The following ABCA10 variants were observed in gnomAD, a reference collection of about 807,000 sequenced individuals.
ABCA10 encodes ATP binding cassette subfamily A member 10.
Under a neutral mutation model 187.5 loss-of-function variants are expected in ABCA10, and 169 were observed. The ratio of observed to expected loss-of-function variants is 0.90; its 90% CI spans 0.80 to 1.02. ABCA10 has a LOEUF of 1.02. Ranked by LOEUF, ABCA10 falls within the 50% of genes least tolerant of loss-of-function variation. The pLI, the probability that ABCA10 is intolerant of heterozygous loss-of-function variation, is 0.00. For synonymous variants in ABCA10, 574 were observed against 601.8 expected (o/e 0.95, Z 0.68); for missense variants, 1,727 against 1,812.4 (o/e 0.95, Z 0.86).
chr17:69,202,494 T>C (rs1198389481), intron 9 of ABCA10, among the ~76,000 whole-genome samples: 1 of 152,098 alleles, frequency 6.6e-6, no homozygotes, highest in South Asian at 2.1e-4. Flanking sequence ...GAAAAGGACA[T>C]AGAAAGGAAG....
rs1338966786 is a variant in ABCA10 at position 69,175,466 on chromosome 17, C to A, written c.2817G>T (p.Leu939Phe). Residue 939 changes from leucine (L) to phenylalanine (F), a missense_variant, in exon 23 of 39, where the codon TTG becomes TTT. By Grantham distance (22) the Leu-to-Phe change is conservative. Coordinates refer to ENST00000690296, the MANE Select transcript of ABCA10 (RefSeq NM_001377321.1). ...GAGAAACGCAGTTTGTGATCAACAA[C>A]AAAAATATGGACCCATCTATAAAAC... ...DLGFIDGSIF[L>F]LLITNCVSPF... 1.9e-6 allele frequency: 3 copies of A among 1,611,926 alleles called. No homozygotes were observed. In the East Asian group the frequency reaches 6.7e-5, roughly 36 times the overall value.
At position 69,219,789 on chromosome 17, in the gene ABCA10, CA is replaced by C. The variant is rs2074732868; in HGVS notation, c.304-19del. The C allele has an allele frequency of 2.7e-6, 4 of 1,492,136 alleles. No homozygotes were observed. The highest frequency in any genetic ancestry group is 3.6e-6 in the Non-Finnish European group (4 of 1,106,732). The allele number at this position is 1,492,136 out of a possible 1,614,324, so 92.4% of individuals were successfully genotyped here. A position where few individuals can be genotyped will look rare whatever the true frequency, so the allele number is the denominator to read the frequency against. On this transcript the variant is annotated intron_variant, in intron 5 of 38. Transcript: ENST00000690296. ...GTTGTGACCTAAATTGGGACATTAG[CA>C]AATTTATTATGTGAACTATAGACAA... is the stretch of plus-strand genomic sequence containing the variant.
chr17:69,154,933 AT>A (rs2074161851), intron 30 of ABCA10, 85 bp downstream of exon 30: 2 of 894,752 alleles, frequency 2.2e-6, no homozygotes, highest in Admixed American at 5.0e-5. Flanking sequence ...AACAGTCTCA[AT>A]GAATAAAAAT....
At position 69,155,036 on chromosome 17, in the gene ABCA10, G is replaced by C; in HGVS notation, c.3677C>G (p.Ser1226Cys). The change falls in exon 30 of 39, where the codon TCC (serine) becomes TGC (cysteine). Residue 1226 changes from serine (S) to cysteine (C), a missense_variant. Coordinates refer to ENST00000690296, the MANE Select transcript of ABCA10 (RefSeq NM_001377321.1). ...RKKKIAIRNV[S>C]FCVKKGEVLG... Reference sequence around the variant, plus strand: ...GTTCAAACCTTTTTTAACACAAAAGGAAACATTTCTGATGGCTATTTTCTT... The same window carrying C: ...GTTCAAACCTTTTTTAACACAAAAGCAAACATTTCTGATGGCTATTTTCTT... 4 of 1,596,694 alleles carry C rather than the reference G, an allele frequency of 2.5e-6. No individual in the cohort carries two copies. In the South Asian group the frequency reaches 4.4e-5, roughly 18 times the overall value.
intron 28 of ABCA10, 70 bp downstream of exon 28, chr17:69,156,762 A>C: frequency 1.0e-6 from 1 of 982,950 alleles, no homozygotes; most frequent in African/African-American, 1.7e-5. Context: ...CAAATAAATA[A>C]ATGAAATTAT....
intron 9 of ABCA10, among the ~76,000 whole-genome samples, chr17:69,207,675 G>A (rs1315054542): frequency 6.6e-6 from 1 of 152,138 alleles, no homozygotes; most frequent in Non-Finnish European, 1.5e-5. Flanking sequence ...AATACCATAT[G>A]ATCTCATTTA....
intron 2 of ABCA10, among the ~76,000 whole-genome samples, chr17:69,225,916 T>A (rs1000399354): frequency 7.2e-5 from 11 of 152,014 alleles, no homozygotes; most frequent in Non-Finnish European, 1.2e-4. Context: ...ACAAAAAATA[T>A]AGATGATAAA....
At chr17:69,155,584 T>G (rs1036527109) in intron 29 of ABCA10, among the ~76,000 whole-genome samples, 6 of 152,078 alleles carry the variant, frequency 3.9e-5, no homozygotes, top group Non-Finnish European at 7.4e-5. Context: ...CACTGATGAA[T>G]GAGGAGCTGG....
chr17:69,185,334 AAATT>A, intron 20 of ABCA10, 139 bp downstream of exon 20: 1 of 768,362 alleles, frequency 1.3e-6, no homozygotes, highest in Non-Finnish European at 1.9e-6. Flanking sequence ...TTAAAAAAGA[AAATT>A]AACCCATCAG....
intron 14 of ABCA10, 64 bp downstream of exon 14, chr17:69,193,429 A>C: frequency 6.4e-7 from 1 of 1,553,862 alleles, no homozygotes; most frequent in Non-Finnish European, 8.7e-7. Context: ...TAGAAGTTGG[A>C]CTTTAATAAT....
intron 1 of ABCA10, among the ~76,000 whole-genome samples, chr17:69,239,143 A>G (rs2074889252): frequency 6.6e-6 from 1 of 152,098 alleles, no homozygotes; most frequent in Non-Finnish European, 1.5e-5. Context: ...GGAGAGTGGG[A>G]GTAGGGAGGT....
rs57227408 is a variant in ABCA10 at position 69,210,847 on chromosome 17, C to CATATATATATATAT, written c.1006+3843_1006+3856dup. Among the ~76,000 whole-genome samples, 203 of 37,884 alleles carry CATATATATATATAT rather than the reference C, an allele frequency of 5.4e-3. 7 individuals are homozygous for CATATATATATATAT. Among genetic ancestry groups the CATATATATATATAT allele is most frequent in the African/African-American group, 0.011 (184 of 17,372 alleles). The allele number at this position is 37,884 out of a possible 152,430, so 24.9% of individuals were successfully genotyped here. ...ATATATATGCCACATATTTATGCCA[C>CATATATATATATAT]ATATATATATATATATATGCCATAT... On this transcript the variant is annotated intron_variant, in intron 9 of 38. Coordinates refer to ENST00000690296, the MANE Select transcript of ABCA10 (RefSeq NM_001377321.1).
intron 30 of ABCA10, among the ~76,000 whole-genome samples, chr17:69,154,751 T>C (rs1483259999): frequency 6.6e-6 from 1 of 152,206 alleles, no homozygotes; most frequent in Non-Finnish European, 1.5e-5. Flanking sequence ...AAATGCTTAG[T>C]TAGCACCTTG....
rs1459928177 is a variant in ABCA10 at position 69,152,461 on chromosome 17, A to T, written c.4157T>A (p.Val1386Asp). The T allele has an allele frequency of 1.2e-6, 2 of 1,613,644 alleles. No homozygotes were observed. The highest frequency in any genetic ancestry group is 2.7e-5 in the African/African-American group (2 of 75,002). The change falls in exon 35 of 39, where the codon GTT becomes GAT. Residue 1386 changes from valine (V) to aspartate (D), a missense_variant. Physicochemically the swap from Val to Asp is radical, Grantham distance 152 (BLOSUM62 -3). Coordinates refer to ENST00000690296, the MANE Select transcript of ABCA10 (RefSeq NM_001377321.1). ...QQMWQILQATVKNKERGTLLT... is the reference protein window; with the variant it reads ...QQMWQILQATDKNKERGTLLT... ...GAGGGTGCCCCTCTCCTTGTTTTTAACGGTAGCCTGAAGTATCTGCCTAAA... is the reference window on the plus strand; with the variant it reads ...GAGGGTGCCCCTCTCCTTGTTTTTATCGGTAGCCTGAAGTATCTGCCTAAA...
In ABCA10 at chr17:69,192,016, C is replaced by CAA. The variant is rs748070925; in HGVS notation, c.1871+545_1871+546dup. On this transcript the variant is annotated intron_variant, in intron 16 of 38. Coordinates refer to ENST00000690296, the MANE Select transcript of ABCA10 (RefSeq NM_001377321.1). ...GACATAAAGATAATTTTTTTCTATACAAATATTGGCTTAAAAATGTCGTAT... is the reference window on the plus strand; with the variant it reads ...GACATAAAGATAATTTTTTTCTATACAAAAATATTGGCTTAAAAATGTCGTAT... 2.5e-4 allele frequency among the ~76,000 whole-genome samples: 38 copies of CAA among 152,126 alleles called. 1 individual carries two copies. Among genetic ancestry groups the CAA allele is most frequent in the Admixed American group, 7.9e-4 (12 of 15,274 alleles).
chr17:69,194,585 A>G lies in ABCA10; in HGVS notation c.1235-90T>C, dbSNP rs9889477. On this transcript the variant is annotated intron_variant, in intron 11 of 38. Coordinates refer to ENST00000690296, the MANE Select transcript of ABCA10 (RefSeq NM_001377321.1). ...TTGGAAAAGTAAAATATATCTCAGC[A>G]TTTCATTTCATTGGTATTTTAATAC... is the stretch of plus-strand genomic sequence containing the variant. The G allele has an allele frequency of 0.027, 20,449 of 743,610 alleles. 3,079 individuals carry two copies. In the African/African-American group the frequency reaches 0.32, roughly 12 times the overall value. The allele number at this position is 743,610 out of a possible 1,614,324, so 46.1% of individuals were successfully genotyped here.
At chr17:69,231,039 C>T (rs1031174032), upstream of ABCA10, among the ~76,000 whole-genome samples, 9 of 151,982 alleles carry the variant, frequency 5.9e-5, no homozygotes, top group African/African-American at 1.7e-4. Flanking sequence ...TATTAGTTTC[C>T]TAGGGCTGCC....
At chr17:69,160,758 A>C (rs1221159945) in intron 27 of ABCA10, among the ~76,000 whole-genome samples, 1 of 152,232 alleles carries the variant, frequency 6.6e-6, no homozygotes, top group Non-Finnish European at 1.5e-5. Flanking sequence ...TATATAAAAA[A>C]ATAAGTGTTG....
At chr17:69,161,719 T>C (rs1479185441) in intron 27 of ABCA10, among the ~76,000 whole-genome samples, 1 of 152,170 alleles carries the variant, frequency 6.6e-6, no homozygotes, top group African/African-American at 2.4e-5. Context: ...TACATTCATT[T>C]GAAAATAGGT....
Sources: gnomAD v4.1 joint callset for allele counts (sites outside exome capture counted in the v4.1 genomes callset) on GRCh38, gnomAD v4.1.1 for gene constraint, MANE v1.5 for transcripts, NCBI Gene and HGNC (gene_info 2026-07-23, HGNC 2026-07-21) for gene names.